Variants in DLG2 observed in about 807,000 individuals in gnomAD.
The protein encoded by DLG2 is discs large MAGUK scaffold protein 2.
Under a neutral mutation model 132.5 loss-of-function variants are expected in DLG2, and 45 were observed. The observed-to-expected ratio is 0.34, with a 90% CI of 0.27 to 0.44. The LOEUF (loss-of-function observed/expected upper bound fraction) is 0.44, where lower values mean the gene tolerates loss of function less well. Among genes scored for constraint, DLG2 ranks in the 20% least tolerant of loss-of-function variants. The pLI is 1.00. For synonymous variants in DLG2, 424 were observed against 419.6 expected (o/e 1.01, Z -0.13); for missense variants, 1,045 against 1,196.9 (o/e 0.87, Z 1.87).
At chr11:85,108,482 C>A (rs543429163) in intron 6 of DLG2, among the ~76,000 whole-genome samples, 4 of 151,774 alleles carry the variant, frequency 2.6e-5, no homozygotes, top group Non-Finnish European at 4.4e-5. Flanking sequence ...ATATTAATAC[C>A]AGAATTTCAT....
At chr11:85,177,424 A>C (rs1461155828) in intron 4 of DLG2, among the ~76,000 whole-genome samples, 2 of 152,118 alleles carry the variant, frequency 1.3e-5, no homozygotes, top group Non-Finnish European at 2.9e-5. Context: ...ACAGGAACAG[A>C]AAACCAAATA....
At chr11:83,625,522 A>AC (rs975414492) in intron 19 of DLG2, among the ~76,000 whole-genome samples, 10 of 152,160 alleles carry the variant, frequency 6.6e-5, no homozygotes, top group Non-Finnish European at 1.0e-4. Context: ...AGGTGGGACC[A>AC]CCCTTCCCCC....
At chr11:84,103,812 G>T (rs1387135543) in intron 9 of DLG2, among the ~76,000 whole-genome samples, 2 of 151,998 alleles carry the variant, frequency 1.3e-5, no homozygotes, top group Non-Finnish European at 2.9e-5. Flanking sequence ...CTCTCAAAAT[G>T]GGGTTATATA....
intron 3 of DLG2, among the ~76,000 whole-genome samples, chr11:85,349,882 G>A (rs552102765): frequency 7.2e-5 from 11 of 151,732 alleles, no homozygotes; most frequent in East Asian, 3.9e-4. Flanking sequence ...ACGTGTGCAC[G>A]TGTCTTTATA....
At chr11:84,009,283 T>C (rs1401670685) in intron 11 of DLG2, among the ~76,000 whole-genome samples, 2 of 151,910 alleles carry the variant, frequency 1.3e-5, no homozygotes, top group African/African-American at 2.4e-5. Flanking sequence ...GCATTCAAGA[T>C]GCAAAACAAA....
chr11:84,381,412 A>G (rs566049273), intron 7 of DLG2, among the ~76,000 whole-genome samples: 1 of 152,080 alleles, frequency 6.6e-6, no homozygotes, highest in Non-Finnish European at 1.5e-5. Context: ...AGGCAATCTC[A>G]TTGTACTCAT....
At chr11:84,829,408 T>C (rs1211035948) in intron 6 of DLG2, among the ~76,000 whole-genome samples, 1 of 151,756 alleles carries the variant, frequency 6.6e-6, no homozygotes, top group Non-Finnish European at 1.5e-5. Flanking sequence ...AATGAACATA[T>C]TACATAGGTG....
chr11:84,412,131 C>A (rs1385502683), intron 7 of DLG2, among the ~76,000 whole-genome samples: 1 of 151,484 alleles, frequency 6.6e-6, no homozygotes, highest in Non-Finnish European at 1.5e-5. Flanking sequence ...CTGATAATGG[C>A]AATAGTGATG....
At chr11:85,246,317 G>A (rs943467814) in intron 4 of DLG2, among the ~76,000 whole-genome samples, 2 of 151,912 alleles carry the variant, frequency 1.3e-5, no homozygotes, top group Non-Finnish European at 2.9e-5. Context: ...AAAGAAACAT[G>A]CATCAGACTA....
At chr11:84,499,632 C>T (rs765665091) in intron 7 of DLG2, among the ~76,000 whole-genome samples, 28 of 152,130 alleles carry the variant, frequency 1.8e-4, no homozygotes, top group Non-Finnish European at 3.4e-4. Flanking sequence ...ACTTAAAAGT[C>T]TTAGCTTGAC....
intron 6 of DLG2, among the ~76,000 whole-genome samples, chr11:84,815,996 A>T (rs1024918963): frequency 6.6e-6 from 1 of 151,972 alleles, no homozygotes; most frequent in Non-Finnish European, 1.5e-5. Flanking sequence ...AACAACTTTC[A>T]TTTGTCCTGC....
intron 6 of DLG2, among the ~76,000 whole-genome samples, chr11:84,584,070 G>A (rs1038754483): frequency 6.6e-6 from 1 of 152,070 alleles, no homozygotes. Context: ...ATATCTAAGA[G>A]TAAAATTGCT....
chr11:85,588,655 A>T (rs1331452699), intron 3 of DLG2, among the ~76,000 whole-genome samples: 1 of 152,036 alleles, frequency 6.6e-6, no homozygotes, highest in African/African-American at 2.4e-5. Flanking sequence ...CTTAATTATC[A>T]ACCTTCTAAA....
chr11:84,917,178 C>G (rs1372271837), intron 6 of DLG2, among the ~76,000 whole-genome samples: 1 of 152,126 alleles, frequency 6.6e-6, no homozygotes, highest in African/African-American at 2.4e-5. Flanking sequence ...AGGTCTGTGC[C>G]TGACCCGTAA....
intron 6 of DLG2, among the ~76,000 whole-genome samples, chr11:85,051,896 A>T (rs961129263): frequency 6.6e-6 from 1 of 152,184 alleles, no homozygotes; most frequent in Non-Finnish European, 1.5e-5. Context: ...AAGCCATCTG[A>T]TAAGTCATGC....
intron 3 of DLG2, among the ~76,000 whole-genome samples, chr11:85,546,567 A>T (rs1004932455): frequency 2.0e-5 from 3 of 152,164 alleles, no homozygotes; most frequent in African/African-American, 7.2e-5. Flanking sequence ...TGTGTCATTG[A>T]TCTGTCTAAT....
intron 6 of DLG2, among the ~76,000 whole-genome samples, chr11:84,941,028 G>A (rs1349530359): frequency 3.3e-5 from 5 of 152,112 alleles, no homozygotes; most frequent in Non-Finnish European, 2.9e-5. Flanking sequence ...TCAAGAATGA[G>A]TTCACTGTAG....
At chr11:84,553,014 C>G (rs1243691675) in intron 6 of DLG2, among the ~76,000 whole-genome samples, 1 of 152,162 alleles carries the variant, frequency 6.6e-6, no homozygotes, top group Non-Finnish European at 1.5e-5. Flanking sequence ...CAGCTCTTTC[C>G]TGGAGCCATT....
intron 6 of DLG2, among the ~76,000 whole-genome samples, chr11:84,915,769 G>T (rs1476325046): frequency 6.6e-6 from 1 of 152,110 alleles, no homozygotes; most frequent in Non-Finnish European, 1.5e-5. Flanking sequence ...GTCCAAAGAG[G>T]TACTTTATAA....
Sources: allele counts gnomAD v4.1 joint callset (sites outside exome capture counted in the v4.1 genomes callset), GRCh38; gene constraint gnomAD v4.1.1; transcripts MANE v1.5; gene names NCBI Gene and HGNC (gene_info 2026-07-23, HGNC 2026-07-21).